ZNF594: variants seen among roughly 807,000 people sequenced by gnomAD.
ZNF594 encodes the protein zinc finger protein HZF18.
For synonymous variants in ZNF594, 336 were observed against 309.4 expected, an observed-to-expected ratio of 1.09 and a Z score of -0.90; for missense variants, 1,037 against 964.6, an observed-to-expected ratio of 1.08 and a Z score of -0.99.
At chr17:5,189,936 AC>A (rs2074410588) in intron 1 of ZNF594, among the ~76,000 whole-genome samples, 1 of 152,272 alleles carries the variant, frequency 6.6e-6, no homozygotes, top group South Asian at 2.1e-4. Context: ...ATAAGGAACA[AC>A]AAAAATAATC....
chr17:5,182,269 T>C lies in ZNF594; in HGVS notation c.1988A>G (p.Gln663Arg). 6.2e-7 allele frequency: 1 copy of C among 1,613,646 alleles called. No individual in the cohort carries two copies. ...CTGGTGTGTAGCAAGGTGTGACCTCTGGCTGAAGGCTTTCCCACATTCACT... is the reference window on the plus strand; with the variant it reads ...CTGGTGTGTAGCAAGGTGTGACCTCCGGCTGAAGGCTTTCCCACATTCACT... ...ECSECGKAFS[Q>R]RSHLATHQKI... The change falls in exon 2 of 2, where the codon CAG becomes CGG. Residue 663 changes from glutamine (Q) to arginine (R), a missense_variant. Transcript: ENST00000575779.
At chr17:5,189,136 G>A (rs1411230579) in intron 1 of ZNF594, among the ~76,000 whole-genome samples, 1 of 151,862 alleles carries the variant, frequency 6.6e-6, no homozygotes, top group African/African-American at 2.4e-5. Context: ...AATAGCAATG[G>A]GGCCTCAGTA....
chr17:5,189,517 G>A (rs112697598), intron 1 of ZNF594, among the ~76,000 whole-genome samples: 2,559 of 151,378 alleles, frequency 0.017, 76 homozygotes, highest in African/African-American at 0.059. Context: ...AGCATTACAG[G>A]CGTGAGCCAC....
At chr17:5,190,708 T>C (rs1011752865) in intron 1 of ZNF594, among the ~76,000 whole-genome samples, 3 of 152,150 alleles carry the variant, frequency 2.0e-5, no homozygotes, top group Non-Finnish European at 4.4e-5. Context: ...GATACCCTAC[T>C]TTGTTTTAAC....
Position 5,182,940 on chromosome 17 carries a change from T to C in ZNF594, c.1317A>G (p.Lys439=), listed in dbSNP as rs756780249. The C allele has an allele frequency of 6.2e-7, 1 of 1,614,066 alleles. No individual in the cohort carries two copies. The highest frequency in any genetic ancestry group is 1.1e-5 in the South Asian group (1 of 91,068). Residue 439 remains lysine, a synonymous_variant, in exon 2 of 2, where the codon AAA becomes AAG. Coordinates refer to ENST00000575779, the MANE Select transcript of ZNF594 (RefSeq NM_032530.2). ...TAAGATCTGAGCTGCCCCTAAAAGA[T>C]TTCCCACATTTGCTACATACACAAG... The part of the protein sequence containing the change: ...EKPCVCSKCG[K]SFRGSSDLIR...
chr17:5,190,064 C>G (rs1267657448), intron 1 of ZNF594, among the ~76,000 whole-genome samples: 2 of 152,014 alleles, frequency 1.3e-5, no homozygotes, highest in African/African-American at 2.4e-5. Flanking sequence ...ATTAGTGTTC[C>G]TAAAGAAAAG....
downstream of ZNF594, chr17:5,175,080 A>G (rs150261419): frequency 6.6e-3 from 1,154 of 174,432 alleles, 21 homozygotes; most frequent in African/African-American, 0.025. Flanking sequence ...TCCTACTTGA[A>G]TAATTTCTTT....
downstream of ZNF594, among the ~76,000 whole-genome samples, chr17:5,179,210 C>A (rs918658406): frequency 2.7e-5 from 4 of 147,552 alleles, no homozygotes; most frequent in Admixed American, 1.4e-4. Flanking sequence ...CCCTCCACCC[C>A]GTTCCTCTCT....
chr17:5,190,123 T>C (rs1025751850), intron 1 of ZNF594, among the ~76,000 whole-genome samples: 1 of 152,194 alleles, frequency 6.6e-6, no homozygotes, highest in Middle Eastern at 3.4e-3. Flanking sequence ...TTCCAGCACT[T>C]TGGGAGGCTG....
At chr17:5,178,614 T>C (rs1160732974), downstream of ZNF594, among the ~76,000 whole-genome samples, 1 of 152,226 alleles carries the variant, frequency 6.6e-6, no homozygotes, top group Non-Finnish European at 1.5e-5. Context: ...TGTTATTATA[T>C]GTGGCTGACA....
intron 1 of ZNF594, among the ~76,000 whole-genome samples, chr17:5,185,674 C>G (rs1019928979): frequency 5.3e-5 from 8 of 152,170 alleles, no homozygotes; most frequent in Non-Finnish European, 1.0e-4. Context: ...GTCCCTTCCT[C>G]CTATGAGCCT....
Position 5,184,156 on chromosome 17 carries a change from AACTC to A in ZNF594, c.97_100del (p.Glu33Ter). On this transcript the variant is annotated frameshift_variant, in exon 2 of 2. Coordinates refer to ENST00000575779, the MANE Select transcript of ZNF594 (RefSeq NM_032530.2). LOFTEE classifies it low-confidence loss of function (END_TRUNC). ...GTCCTCAGAATTACTGGTTTCAACT[AACTC>A]ACATTCCTGGGTGATTTGTCTTTGG... 6.2e-7 allele frequency: 1 copy of A among 1,614,204 alleles called. No homozygotes were observed. The highest frequency in any genetic ancestry group is 8.5e-7 in the Non-Finnish European group (1 of 1,180,032).
chr17:5,183,454 T>C lies in ZNF594; in HGVS notation c.803A>G (p.Glu268Gly), dbSNP rs754230481. Residue 268 changes from glutamate (E) to glycine (G), a missense_variant, in exon 2 of 2, where the codon GAA becomes GGA. Transcript: ENST00000575779. ...HRIHTGEKPY[E>G]CYDCGQMFSQ... ...GAACATCTGTCCACAGTCATAACAT[T>C]CATAGGGTTTCTCTCCAGTGTGAAT... 7.4e-6 allele frequency: 12 copies of C among 1,613,882 alleles called. No individual in the cohort carries two copies. Among genetic ancestry groups the C allele is most frequent in the Non-Finnish European group, 1.0e-5 (12 of 1,180,034 alleles).
At position 5,183,644 on chromosome 17, in the gene ZNF594, G is replaced by A; in HGVS notation, c.613C>T (p.His205Tyr). ...CACTCATAGGGATTCCCACCACTGT[G>A]AATTTGCTTATGTCTCACCAGATTG... Reference protein sequence around the residue: ...SSNLVRHKQIHSGGNPYECKE... With the variant: ...SSNLVRHKQIYSGGNPYECKE... The change falls in exon 2 of 2, where the codon CAC becomes TAC. Residue 205 changes from histidine to tyrosine, a missense_variant. His to Tyr is a moderately conservative substitution (Grantham distance 83, BLOSUM62 2). Coordinates refer to ENST00000575779, the MANE Select transcript of ZNF594 (RefSeq NM_032530.2). 1 of 1,614,188 alleles carries A rather than the reference G, an allele frequency of 6.2e-7. No individual in the cohort carries two copies. Among genetic ancestry groups the A allele is most frequent in the Non-Finnish European group, 8.5e-7 (1 of 1,180,036 alleles).
chr17:5,191,278 C>T (rs2074422137), intron 1 of ZNF594, among the ~76,000 whole-genome samples: 1 of 152,212 alleles, frequency 6.6e-6, no homozygotes, highest in African/African-American at 2.4e-5. Flanking sequence ...ACCTAAATCC[C>T]TCCCTTGTTT....
At position 5,183,145 on chromosome 17, in the gene ZNF594, T is replaced by C; in HGVS notation, c.1112A>G (p.Gln371Arg). 1 of 1,614,198 alleles carries C rather than the reference T, an allele frequency of 6.2e-7. No homozygotes were observed. Among genetic ancestry groups the C allele is most frequent in the South Asian group, 1.1e-5 (1 of 91,078 alleles). ...ATTACACCAATAAGCTTTCTCTTCCTGGTGAATTCTCTGCTCTTCCCTAAG... is the reference window on the plus strand; with the variant it reads ...ATTACACCAATAAGCTTTCTCTTCCCGGTGAATTCTCTGCTCTTCCCTAAG... ...EELREEQRIH[Q>R]EEKAYWCNQC... The change falls in exon 2 of 2, where the codon CAG (glutamine) becomes CGG (arginine). Residue 371 changes from glutamine (Q) to arginine (R), a missense_variant. Gln to Arg is a conservative substitution (Grantham distance 43). Coordinates refer to ENST00000575779, the MANE Select transcript of ZNF594 (RefSeq NM_032530.2).
intron 1 of ZNF594, 83 bp downstream of exon 1, chr17:5,191,665 C>T (rs146158312): frequency 6.6e-6 from 1 of 152,122 alleles, no homozygotes; most frequent in African/African-American, 2.4e-5. Flanking sequence ...TCCCCATAGG[C>T]ATATGAGCTC....
downstream of ZNF594, among the ~76,000 whole-genome samples, chr17:5,177,526 A>G (rs1249418108): frequency 2.0e-5 from 3 of 152,130 alleles, no homozygotes; most frequent in African/African-American, 7.2e-5. Context: ...CCTGGCCAAC[A>G]TGCTGAAAAC....
chr17:5,181,675 T>G lies in ZNF594; in HGVS notation c.*158A>C. ...TCTCCAGTGTGGATTTTCTGGTGTG[T>G]GACAAGGTGGGACCTCTGGCTAAAG... is the stretch of plus-strand genomic sequence containing the variant. On this transcript the variant is annotated 3_prime_UTR_variant, in exon 2 of 2. Transcript: ENST00000575779. The G allele has an allele frequency of 6.3e-7, 1 of 1,577,606 alleles. No homozygotes were observed. The highest frequency in any genetic ancestry group is 8.7e-7 in the Non-Finnish European group (1 of 1,146,976).
Sources: allele counts gnomAD v4.1 joint callset (sites outside exome capture counted in the v4.1 genomes callset), GRCh38; gene constraint gnomAD v4.1.1; transcripts MANE v1.5; gene names NCBI Gene and HGNC (gene_info 2026-07-23, HGNC 2026-07-21).